ADAM12: variants seen among roughly 807,000 people sequenced by gnomAD.
ADAM12 encodes ADAM metallopeptidase domain 12, also known as disintegrin and metalloproteinase domain-containing protein 12.
In ADAM12, 70 loss-of-function variants were observed where a neutral mutation model predicts 106.4. The observed-to-expected ratio is 0.66, with a 90% CI of 0.54 to 0.80. The LOEUF (loss-of-function observed/expected upper bound fraction) is 0.80. ADAM12 is among the 30% of genes least tolerant of loss of function. The pLI, the probability that ADAM12 is intolerant of heterozygous loss-of-function variation, is 0.00. For missense variants in ADAM12, 1,010 were observed against 1,171.9 expected (o/e 0.86, Z 2.02); for synonymous variants, 420 against 433.5 (o/e 0.97, Z 0.39).
intron 3 of ADAM12, among the ~76,000 whole-genome samples, chr10:126,180,318 C>T (rs549500380): frequency 1.5e-3 from 228 of 152,172 alleles, no homozygotes; most frequent in Middle Eastern, 6.8e-3. Context: ...AAGACCTTTC[C>T]GAGTATTCTG....
intron 6 of ADAM12, among the ~76,000 whole-genome samples, chr10:126,113,376 G>T (rs367684220): frequency 6.6e-6 from 1 of 151,754 alleles, no homozygotes; most frequent in Non-Finnish European, 1.5e-5. Flanking sequence ...TAAAAATATT[G>T]CAACTGGGCG....
chr10:126,220,218 A>T (rs560540886), intron 3 of ADAM12, among the ~76,000 whole-genome samples: 1 of 152,232 alleles, frequency 6.6e-6, no homozygotes, highest in Admixed American at 6.5e-5. Context: ...GAAGAGCTGG[A>T]TTCTTGATTC....
intron 1 of ADAM12, among the ~76,000 whole-genome samples, chr10:126,347,730 G>T (rs1039809716): frequency 1.1e-4 from 16 of 151,936 alleles, no homozygotes; most frequent in African/African-American, 3.9e-4. Flanking sequence ...TTAATTTGGG[G>T]GTTGTTTGCT....
intron 4 of ADAM12, among the ~76,000 whole-genome samples, chr10:126,137,571 C>A (rs982150706): frequency 6.6e-6 from 1 of 152,198 alleles, no homozygotes; most frequent in African/African-American, 2.4e-5. Context: ...CTCTGGCAAC[C>A]ATTAACCTGC....
At chr10:126,067,563 T>G (rs1017951473) in intron 12 of ADAM12, among the ~76,000 whole-genome samples, 1 of 152,218 alleles carries the variant, frequency 6.6e-6, no homozygotes, top group Non-Finnish European at 1.5e-5. Context: ...TTGCTTCCAT[T>G]TTTTCCTAAC....
chr10:126,160,454 G>A (rs1956912603), intron 3 of ADAM12, among the ~76,000 whole-genome samples: 1 of 152,166 alleles, frequency 6.6e-6, no homozygotes, highest in Admixed American at 6.5e-5. Context: ...GGAAAAACAG[G>A]CAGCTTCCTT....
At chr10:126,019,622 G>A (rs1953723863) in intron 22 of ADAM12, 73 bp downstream of exon 22, 1 of 1,562,200 alleles carries the variant, frequency 6.4e-7, no homozygotes, top group African/African-American at 1.4e-5. Context: ...CCCCTGTCCT[G>A]GCTTGGATTA....
At chr10:126,103,329 G>A (rs1565059185) in intron 8 of ADAM12, among the ~76,000 whole-genome samples, 2 of 152,102 alleles carry the variant, frequency 1.3e-5, no homozygotes. Flanking sequence ...TTTGCTGCCT[G>A]CTCTAAAAGT....
At chr10:126,125,332 A>ACTCCCTGG (rs1461252690) in intron 5 of ADAM12, among the ~76,000 whole-genome samples, 2 of 144,768 alleles carry the variant, frequency 1.4e-5, no homozygotes, top group African/African-American at 2.6e-5. Flanking sequence ...GCAACCTCTG[A>ACTCCCTGG]CTCCCTGGTT....
At chr10:126,309,448 A>G (rs1218631673) in intron 2 of ADAM12, among the ~76,000 whole-genome samples, 1 of 152,200 alleles carries the variant, frequency 6.6e-6, no homozygotes, top group African/African-American at 2.4e-5. Context: ...CAGAAAACAA[A>G]TTCCAATGTA....
intron 5 of ADAM12, 167 bp downstream of exon 5, chr10:126,135,391 CTAAGATCCTGGGTGGCCATGCTCTTG>C (rs1426992004): frequency 3.4e-6 from 2 of 581,750 alleles, no homozygotes. Context: ...GAACATGAGG[CTAAGATCCTGGGTGGCCATGCTCTTG>C]TAAGCAGTGG....
At chr10:126,177,567 T>C (rs1957241704) in intron 3 of ADAM12, among the ~76,000 whole-genome samples, 1 of 152,228 alleles carries the variant, frequency 6.6e-6, no homozygotes, top group African/African-American at 2.4e-5. Flanking sequence ...GGTTTCCTAC[T>C]GAAGATTTGT....
chr10:126,093,767 G>A (rs550291444), intron 11 of ADAM12, among the ~76,000 whole-genome samples: 24 of 152,354 alleles, frequency 1.6e-4, no homozygotes, highest in African/African-American at 5.8e-4. Flanking sequence ...GAAAAGGTCA[G>A]CCCTCTTCCT....
At chr10:126,287,587 T>C (rs906183785) in intron 2 of ADAM12, among the ~76,000 whole-genome samples, 2 of 151,952 alleles carry the variant, frequency 1.3e-5, no homozygotes, top group Non-Finnish European at 2.9e-5. Context: ...CTGTGAAGGC[T>C]CTGGCGTCTG....
chr10:126,300,832 C>T (rs1012176563), intron 2 of ADAM12, among the ~76,000 whole-genome samples: 3 of 152,124 alleles, frequency 2.0e-5, no homozygotes, highest in Non-Finnish European at 4.4e-5. Flanking sequence ...TTAACATTGC[C>T]GGAGTATTCC....
intron 2 of ADAM12, among the ~76,000 whole-genome samples, chr10:126,313,315 C>T (rs996290059): frequency 1.3e-5 from 2 of 152,216 alleles, no homozygotes; most frequent in African/African-American, 2.4e-5. Context: ...TATGACTTAA[C>T]CTCAAGGTCA....
chr10:126,359,298 C>T (rs1481639378), intron 1 of ADAM12, among the ~76,000 whole-genome samples: 1 of 152,186 alleles, frequency 6.6e-6, no homozygotes, highest in South Asian at 2.1e-4. Flanking sequence ...ATCATGCCTT[C>T]CCAACAGTCC....
At chr10:126,235,859 G>C (rs1958404348) in intron 3 of ADAM12, among the ~76,000 whole-genome samples, 1 of 152,176 alleles carries the variant, frequency 6.6e-6, no homozygotes, top group Non-Finnish European at 1.5e-5. Context: ...TAAGCAAGAA[G>C]CAGGGTGTGG....
Position 126,157,235 on chromosome 10 carries a change from G to A in ADAM12, c.261-1930C>T, listed in dbSNP as rs148432278. Among the ~76,000 whole-genome samples the A allele has an allele frequency of 2.0e-5, 3 of 152,324 alleles. No individual in the cohort carries two copies. In the East Asian group the frequency reaches 5.8e-4, roughly 29 times the overall value. On this transcript the variant is annotated intron_variant, in intron 3 of 22. Coordinates refer to ENST00000448723, the MANE Select transcript of ADAM12 (RefSeq NM_001288973.2). ...AAAGCTAGTCAGAGAGAACAAAGCT[G>A]TCACCCTCAGGCAGGGACAAAAGGC...
Sources: allele counts gnomAD v4.1 joint callset (sites outside exome capture counted in the v4.1 genomes callset), GRCh38; gene constraint gnomAD v4.1.1; transcripts MANE v1.5; gene names NCBI Gene and HGNC (gene_info 2026-07-23, HGNC 2026-07-21).